GLB1: variants seen among roughly 807,000 people sequenced by gnomAD.
GLB1 encodes beta-galactosidase.
A neutral mutation model predicts 74.0 loss-of-function variants in GLB1; 56 were observed. That is an observed-to-expected ratio of 0.76 (90% confidence interval 0.61 to 0.94). The LOEUF is 0.94. Ranked by LOEUF, GLB1 falls within the 40% of genes least tolerant of loss-of-function variation. GLB1 has a pLI of 0.00. For missense variants in GLB1, 787 were observed against 845.5 expected (o/e 0.93, Z 0.86); for synonymous variants, 323 against 323.6 (o/e 1.00, Z 0.02).
intron 10 of GLB1, chr3:33,034,737 G>A: frequency 2.9e-6 from 2 of 689,772 alleles, no homozygotes; most frequent in South Asian, 1.4e-5. Context: ...CAGTGGGTGT[G>A]TATCAGTGAT....
intron 15 of GLB1, among the ~76,000 whole-genome samples, chr3:33,004,252 TG>T (rs1286654747): frequency 6.6e-6 from 1 of 152,238 alleles, no homozygotes; most frequent in Non-Finnish European, 1.5e-5. Context: ...GAAAGAGAGA[TG>T]GTCTCATCTT....
the GLB1 span, among the ~76,000 whole-genome samples, chr3:32,976,239 G>A: frequency 9.3e-4 from 141 of 152,254 alleles, 1 homozygote; most frequent in African/African-American, 2.6e-3. Flanking sequence ...ACTCCTTTTC[G>A]GACATGGGAA....
chr3:33,072,543 C>G lies in GLB1; in HGVS notation c.245+1G>C, dbSNP rs778423653. 3 of 1,613,090 alleles carry G rather than the reference C, an allele frequency of 1.9e-6. No individual in the cohort carries two copies. Among genetic ancestry groups the G allele is most frequent in the Non-Finnish European group, 1.7e-6 (2 of 1,179,996 alleles). ...TGAGAGCCACATGCCCTCCTACTTA[C>G]GTCTGGATGGCGTTCAGCCCAGCCA... On this transcript the variant is annotated splice_donor_variant, in intron 2 of 15. Transcript: ENST00000307363. LOFTEE classifies it high-confidence loss of function.
chr3:33,095,667 T>C (rs549019202), intron 1 of GLB1, among the ~76,000 whole-genome samples: 13 of 152,268 alleles, frequency 8.5e-5, no homozygotes, highest in South Asian at 6.2e-4. Context: ...ATCAGACAGA[T>C]TGACCCTGTC....
chr3:32,961,971 G>A, the GLB1 span, among the ~76,000 whole-genome samples: 16 of 152,298 alleles, frequency 1.1e-4, no homozygotes, highest in Admixed American at 2.0e-4. Context: ...CAAGGCAGGC[G>A]GATCACTGGA....
chr3:32,996,656 C>A lies in GLB1; in HGVS notation c.*389G>T. 3.5e-6 allele frequency: 1 copy of A among 283,810 alleles called. No individual in the cohort carries two copies. The allele number at this position is 283,810 out of a possible 1,614,324, so 17.6% of individuals were successfully genotyped here. On this transcript the variant is annotated 3_prime_UTR_variant, in exon 16 of 16. Coordinates refer to ENST00000307363, the MANE Select transcript of GLB1 (RefSeq NM_000404.4). ...AAGTTAGTGAAGTGGTTTATTCAGC[C>A]CACTCAAGTCTAGTTATGATTTAAG...
chr3:33,055,178 G>C lies in GLB1; in HGVS notation c.734-1629C>G, dbSNP rs544880532. Among the ~76,000 whole-genome samples the C allele has an allele frequency of 2.6e-5, 4 of 152,358 alleles. No individual in the cohort carries two copies. In the East Asian group the frequency reaches 7.7e-4, roughly 29 times the overall value. On this transcript the variant is annotated intron_variant, in intron 6 of 15. Coordinates refer to ENST00000307363, the MANE Select transcript of GLB1 (RefSeq NM_000404.4). ...AGCAATGAAGCTGGCAAAAGCCTCAGACTGGAGGGCCCATCTGCCCCAGGC... is the reference window on the plus strand; with the variant it reads ...AGCAATGAAGCTGGCAAAAGCCTCACACTGGAGGGCCCATCTGCCCCAGGC...
downstream of GLB1, among the ~76,000 whole-genome samples, chr3:32,991,873 C>T (rs1696228682): frequency 6.6e-6 from 1 of 152,226 alleles, no homozygotes; most frequent in South Asian, 2.1e-4. Context: ...TGTCCAAATT[C>T]CTGATCCATA....
intron 10 of GLB1, among the ~76,000 whole-genome samples, chr3:33,043,771 G>A (rs200090443): frequency 1.2e-5 from 1 of 82,256 alleles, no homozygotes; most frequent in East Asian, 3.0e-4. Context: ...ACAGCATTGG[G>A]AAAGATACCT....
At chr3:33,028,571 G>A (rs1445174702) in intron 10 of GLB1, among the ~76,000 whole-genome samples, 1 of 151,818 alleles carries the variant, frequency 6.6e-6, no homozygotes, top group Non-Finnish European at 1.5e-5. Flanking sequence ...AGTGTGGGGT[G>A]ACTAGGTCAA....
intron 10 of GLB1, among the ~76,000 whole-genome samples, chr3:33,041,385 G>A (rs1698491927): frequency 6.6e-6 from 1 of 152,130 alleles, no homozygotes; most frequent in Non-Finnish European, 1.5e-5. Context: ...TTTGAGGCCG[G>A]GCATGGTGGC....
intron 4 of GLB1, among the ~76,000 whole-genome samples, chr3:33,066,292 G>A (rs543305205): frequency 2.6e-5 from 4 of 152,330 alleles, no homozygotes; most frequent in African/African-American, 7.2e-5. Flanking sequence ...GCCCTCATAA[G>A]TAGATCAATC....
intron 10 of GLB1, among the ~76,000 whole-genome samples, chr3:33,033,173 C>T (rs1575430844): frequency 6.6e-6 from 1 of 152,202 alleles, no homozygotes; most frequent in Non-Finnish European, 1.5e-5. Flanking sequence ...CCTAAAGGCA[C>T]CCAGCCCCGG....
intron 10 of GLB1, chr3:33,034,535 G>A (rs757540274): frequency 5.5e-6 from 4 of 730,996 alleles, no homozygotes; most frequent in Non-Finnish European, 5.0e-6. Flanking sequence ...CAGCACCATT[G>A]CCAGCTGCTC....
At chr3:33,049,964 G>A (rs1403170002) in intron 9 of GLB1, among the ~76,000 whole-genome samples, 1 of 152,178 alleles carries the variant, frequency 6.6e-6, no homozygotes, top group Non-Finnish European at 1.5e-5. Flanking sequence ...TTCATTAAGA[G>A]CTGATAGTAT....
chr3:32,992,211 T>C (rs1696239842), downstream of GLB1, among the ~76,000 whole-genome samples: 2 of 152,220 alleles, frequency 1.3e-5, no homozygotes, highest in African/African-American at 4.8e-5. Flanking sequence ...CCCCTTCACC[T>C]TTCTACAGGA....
chr3:32,980,900 G>A, the GLB1 span, among the ~76,000 whole-genome samples: 1 of 151,964 alleles, frequency 6.6e-6, no homozygotes, highest in Non-Finnish European at 1.5e-5. Context: ...AGACCAGCCT[G>A]GGCAACATGG....
At chr3:33,085,933 AGTG>A (rs1408239735) in intron 1 of GLB1, among the ~76,000 whole-genome samples, 4 of 149,148 alleles carry the variant, frequency 2.7e-5, no homozygotes, top group Admixed American at 6.7e-5. Context: ...AAGAGCCAGG[AGTG>A]GTGGTGGTGG....
At chr3:32,974,986 T>C in the GLB1 span, among the ~76,000 whole-genome samples, 1 of 152,178 alleles carries the variant, frequency 6.6e-6, no homozygotes, top group Admixed American at 6.5e-5. Context: ...CATCACGAGT[T>C]CCCTGCTGGA....
Sources: allele counts gnomAD v4.1 joint callset (sites outside exome capture counted in the v4.1 genomes callset), GRCh38; gene constraint gnomAD v4.1.1; transcripts MANE v1.5; gene names NCBI Gene and HGNC (gene_info 2026-07-23, HGNC 2026-07-21).